The following CUX1 variants were observed in gnomAD, a reference collection of about 807,000 sequenced individuals.
The protein encoded by CUX1 is cut like homeobox 1, also known as protein CASP.
In CUX1, 31 loss-of-function variants were observed where a neutral mutation model predicts 158.8. That is an observed-to-expected ratio of 0.20 (90% CI 0.15 to 0.26). The LOEUF is 0.26. Among genes scored for constraint, CUX1 ranks in the 10% least tolerant of loss-of-function variants. The pLI, the probability that CUX1 is intolerant of heterozygous loss-of-function variation, is 1.00. For synonymous variants in CUX1, 879 were observed against 862.1 expected, an observed-to-expected ratio of 1.02 and a Z score of -0.34; for missense variants, 1,589 against 2,014.6, an observed-to-expected ratio of 0.79 and a Z score of 4.04.
At chr7:102,182,030 TTTC>T (rs1793140490) in intron 11 of CUX1, among the ~76,000 whole-genome samples, 2 of 152,242 alleles carry the variant, frequency 1.3e-5, no homozygotes, top group African/African-American at 4.8e-5. Context: ...GCTTTCTTTC[TTTC>T]TTCTTCCTGT....
intron 1 of CUX1, among the ~76,000 whole-genome samples, chr7:101,872,401 T>C (rs933208748): frequency 1.3e-5 from 2 of 152,144 alleles, no homozygotes; most frequent in African/African-American, 4.8e-5. Flanking sequence ...CCCAAAGTGT[T>C]GGGATTACAG....
chr7:102,212,314 A>G (rs1283138487), intron 20 of CUX1, among the ~76,000 whole-genome samples: 1 of 152,112 alleles, frequency 6.6e-6, no homozygotes, highest in Non-Finnish European at 1.5e-5. Context: ...TCATCAAGTG[A>G]GCAAGGCAGC....
intron 1 of CUX1, among the ~76,000 whole-genome samples, chr7:101,909,046 T>TTTAGACACCACTGTTTGAAG (rs1803090765): frequency 6.7e-6 from 1 of 148,964 alleles, no homozygotes; most frequent in Non-Finnish European, 1.5e-5. Flanking sequence ...AGGAGTCCAG[T>TTTAGACACCACTGTTTGAAG]CAGGTTTGGG....
chr7:102,274,181 G>T (rs1791427530), intron 15 of CUX1: 3 of 1,518,906 alleles, frequency 2.0e-6, no homozygotes, highest in East Asian at 4.5e-5. Flanking sequence ...TGGCCATGCT[G>T]AAAGGGAATA....
At chr7:102,069,800 GTCC>G (rs1825934845) in intron 3 of CUX1, among the ~76,000 whole-genome samples, 2 of 152,188 alleles carry the variant, frequency 1.3e-5, no homozygotes, top group Non-Finnish European at 2.9e-5. Context: ...GAATGTGTTC[GTCC>G]GTTTACATGC....
chr7:102,253,262 G>C lies in CUX1; in HGVS notation c.*4220G>C, dbSNP rs1801712804. On this transcript the variant is annotated 3_prime_UTR_variant, in exon 24 of 24. Transcript: ENST00000292535. ...TTCTGGCCACCGCCCAAGCCCAGGT[G>C]GCCAGCTCTCATACCCCATCTCCCT... 4.1e-6 allele frequency: 4 copies of C among 985,492 alleles called. No homozygotes were observed. The South Asian group carries it at 1.9e-4, about 46-fold the overall frequency. The allele number at this position is 985,492 out of a possible 1,614,324, so 61.0% of individuals were successfully genotyped here.
At chr7:101,890,901 T>C (rs988494388) in intron 1 of CUX1, among the ~76,000 whole-genome samples, 6 of 152,196 alleles carry the variant, frequency 3.9e-5, no homozygotes, top group Non-Finnish European at 5.9e-5. Context: ...TTGTTTAGGC[T>C]GTTGTTTGGT....
At chr7:101,831,149 G>A (rs945921894) in intron 1 of CUX1, among the ~76,000 whole-genome samples, 3 of 152,168 alleles carry the variant, frequency 2.0e-5, no homozygotes, top group Non-Finnish European at 1.5e-5. Flanking sequence ...GGTTTGGGAA[G>A]ATGGACTCTG....
chr7:101,981,931 A>T (rs1456322580), intron 2 of CUX1, among the ~76,000 whole-genome samples: 1 of 152,168 alleles, frequency 6.6e-6, no homozygotes, highest in Non-Finnish European at 1.5e-5. Flanking sequence ...CTTGACTCTA[A>T]TAAAACCAGG....
chr7:102,114,320 G>A (rs1233213345), intron 7 of CUX1, among the ~76,000 whole-genome samples: 2 of 152,136 alleles, frequency 1.3e-5, no homozygotes, highest in African/African-American at 4.8e-5. Context: ...TGTCACCCAG[G>A]CCTGGAGTGC....
At chr7:102,036,912 C>T (rs1477869980) in intron 3 of CUX1, among the ~76,000 whole-genome samples, 1 of 152,102 alleles carries the variant, frequency 6.6e-6, no homozygotes, top group East Asian at 1.9e-4. Context: ...AAGTTGAGAC[C>T]GAGTGCACTG....
chr7:102,041,666 A>ATTTTT (rs1246831975), intron 3 of CUX1, among the ~76,000 whole-genome samples: 3 of 104,920 alleles, frequency 2.9e-5, no homozygotes, highest in Non-Finnish European at 5.7e-5. Flanking sequence ...CTCCCTTTTG[A>ATTTTT]TTTTTTTTTT....
intron 8 of CUX1, among the ~76,000 whole-genome samples, chr7:102,148,315 G>A (rs1835231707): frequency 6.6e-6 from 1 of 152,168 alleles, no homozygotes; most frequent in Non-Finnish European, 1.5e-5. Flanking sequence ...AAGGCAGGCA[G>A]ATCACCTGAG....
intron 2 of CUX1, among the ~76,000 whole-genome samples, chr7:101,970,421 A>T (rs576634674): frequency 2.8e-4 from 43 of 152,244 alleles, no homozygotes; most frequent in Admixed American, 2.6e-3. Context: ...ACTGTCTGAT[A>T]CAGGCTTCAT....
At chr7:101,980,797 G>T (rs1288489412) in intron 2 of CUX1, among the ~76,000 whole-genome samples, 1 of 151,828 alleles carries the variant, frequency 6.6e-6, no homozygotes, top group South Asian at 2.1e-4. Context: ...CCCGCCGTCC[G>T]CACGGATGTA....
chr7:102,171,536 C>T (rs13229204), intron 10 of CUX1, among the ~76,000 whole-genome samples: 1 of 151,774 alleles, frequency 6.6e-6, no homozygotes, highest in Non-Finnish European at 1.5e-5. Context: ...CAGCCTCCAC[C>T]TCCCAGGCTC....
intron 1 of CUX1, among the ~76,000 whole-genome samples, chr7:101,903,340 C>A (rs1007341572): frequency 6.6e-6 from 1 of 152,088 alleles, no homozygotes. Context: ...TGAGCAGACC[C>A]CAAGAACCGT....
At chr7:101,915,612 A>G (rs961874185) in intron 1 of CUX1, among the ~76,000 whole-genome samples, 1 of 152,192 alleles carries the variant, frequency 6.6e-6, no homozygotes, top group Non-Finnish European at 1.5e-5. Flanking sequence ...CAAACCAAGT[A>G]TTACTCTCAG....
chr7:102,163,574 G>C (rs1790692147), intron 9 of CUX1, among the ~76,000 whole-genome samples: 1 of 152,210 alleles, frequency 6.6e-6, no homozygotes, highest in Non-Finnish European at 1.5e-5. Flanking sequence ...TTGAGTTCTA[G>C]AAGGATCTCT....
Sources: allele counts gnomAD v4.1 joint callset (sites outside exome capture counted in the v4.1 genomes callset), GRCh38; gene constraint gnomAD v4.1.1; transcripts MANE v1.5; gene names NCBI Gene and HGNC (gene_info 2026-07-23, HGNC 2026-07-21).